Variants in DSCAM observed in about 807,000 individuals in gnomAD.
DSCAM encodes the protein DS cell adhesion molecule, also known as cell adhesion molecule DSCAM.
A neutral mutation model predicts 217.7 loss-of-function variants in DSCAM; 47 were observed. The observed-to-expected ratio is 0.22, with a 90% CI of 0.17 to 0.28. The LOEUF (loss-of-function observed/expected upper bound fraction) is 0.28, where lower values mean the gene tolerates loss of function less well. DSCAM is among the 10% of genes least tolerant of loss of function. The pLI, the probability that DSCAM is intolerant of heterozygous loss-of-function variation, is 1.00. For synonymous variants in DSCAM, 1,056 were observed against 1,015.3 expected (o/e 1.04, Z -0.76); for missense variants, 2,080 against 2,618.3 (o/e 0.79, Z 4.49).
intron 3 of DSCAM, among the ~76,000 whole-genome samples, chr21:40,594,958 G>A (rs1016090613): frequency 6.6e-6 from 1 of 152,182 alleles, no homozygotes; most frequent in Non-Finnish European, 1.5e-5. Flanking sequence ...ATTGGGTGAG[G>A]TGAGCAACCA....
rs1489114132 is a variant in DSCAM, at chr21:40,630,090, G to A, written c.508+62720C>T. On this transcript the variant is annotated intron_variant, in intron 3 of 32. Transcript: ENST00000400454. ...ATGGAGCCCAACAGGAAGAGGTGTG[G>A]TGGCCAGGAAAGCAGAAGTGAAAAG... Among the ~76,000 whole-genome samples, 6 of 152,122 alleles carry A rather than the reference G, an allele frequency of 3.9e-5. 1 individual carries two copies. The South Asian group carries it at 6.2e-4, about 16-fold the overall frequency.
intron 1 of DSCAM, among the ~76,000 whole-genome samples, chr21:40,773,790 G>A (rs145510773): frequency 1.3e-5 from 2 of 152,220 alleles, no homozygotes; most frequent in African/African-American, 4.8e-5. Flanking sequence ...TAGGCTGCCT[G>A]CCCTTTAAAC....
chr21:40,655,827 G>A (rs2090068845), intron 3 of DSCAM, among the ~76,000 whole-genome samples: 1 of 152,114 alleles, frequency 6.6e-6, no homozygotes, highest in African/African-American at 2.4e-5. Flanking sequence ...GCCAAGGTGA[G>A]GGGATCGCTT....
At chr21:40,810,014 G>T (rs2091824256) in intron 1 of DSCAM, among the ~76,000 whole-genome samples, 1 of 152,194 alleles carries the variant, frequency 6.6e-6, no homozygotes, top group Non-Finnish European at 1.5e-5. Context: ...GCTCCAGAAG[G>T]AACAGCCGTC....
chr21:40,083,222 A>G (rs1335564439), intron 24 of DSCAM, among the ~76,000 whole-genome samples: 1 of 152,232 alleles, frequency 6.6e-6, no homozygotes, highest in Non-Finnish European at 1.5e-5. Context: ...TGAGGTCAGA[A>G]GTTCGAGACC....
In DSCAM at chr21:40,721,846, G is replaced by A. The variant is rs138445444; in HGVS notation, c.44-13075C>T. On this transcript the variant is annotated intron_variant, in intron 1 of 32. Coordinates refer to ENST00000400454, the MANE Select transcript of DSCAM (RefSeq NM_001389.5). ...AACAAACACCAAACAGAAGCATGTA[G>A]AAAACCACAACATGACACATGATTA... Among the ~76,000 whole-genome samples the A allele has an allele frequency of 9.9e-5, 15 of 151,952 alleles. No homozygotes were observed. The East Asian group carries it at 2.9e-3, about 29-fold the overall frequency.
At chr21:40,701,901 T>C (rs913306148) in intron 2 of DSCAM, among the ~76,000 whole-genome samples, 6 of 152,166 alleles carry the variant, frequency 3.9e-5, no homozygotes, top group Admixed American at 6.5e-5. Context: ...TATATTGTGC[T>C]GTTGTTGGAT....
At chr21:40,659,426 TATC>T (rs1568968314) in intron 3 of DSCAM, among the ~76,000 whole-genome samples, 2 of 152,116 alleles carry the variant, frequency 1.3e-5, no homozygotes, top group Non-Finnish European at 2.9e-5. Context: ...TCTAGTTATC[TATC>T]ATCTCTCTCA....
chr21:40,378,794 C>T (rs2074991688), intron 3 of DSCAM, among the ~76,000 whole-genome samples: 1 of 151,446 alleles, frequency 6.6e-6, no homozygotes, highest in East Asian at 1.9e-4. Context: ...GGGGTTTCAC[C>T]GTGTTAGCCA....
At chr21:40,526,190 GC>G in intron 3 of DSCAM, among the ~76,000 whole-genome samples, 1 of 152,232 alleles carries the variant, frequency 6.6e-6, no homozygotes, top group Middle Eastern at 3.4e-3. Flanking sequence ...GCTGGAGCTG[GC>G]CCCCAGAGGC....
At chr21:40,825,264 T>TC (rs1439711148) in intron 1 of DSCAM, among the ~76,000 whole-genome samples, 6 of 141,934 alleles carry the variant, frequency 4.2e-5, no homozygotes, top group East Asian at 4.2e-4. Context: ...ACATTTTCTT[T>TC]CTTTCCTTCC....
In DSCAM at chr21:40,178,955, G is replaced by A. The variant is rs200413358; in HGVS notation, c.2919C>T (p.Asn973=). The A allele has an allele frequency of 1.7e-5, 27 of 1,613,968 alleles. No homozygotes were observed. Among genetic ancestry groups the A allele is most frequent in the African/African-American group, 5.3e-5 (4 of 75,016 alleles). The change falls in exon 15 of 33, where the codon AAC becomes AAT. Residue 973 remains asparagine, a synonymous_variant. Transcript: ENST00000400454. ...KNRIGKSEPS[N]ELTITADEAA... ...CCTCGTCCGCCGTGATGGTGAGCTC[G>A]TTGCTGGGCTCGCTCTTGCCAATCC...
chr21:40,686,378 CAT>C (rs1480296195), intron 3 of DSCAM, among the ~76,000 whole-genome samples: 3 of 151,662 alleles, frequency 2.0e-5, no homozygotes, highest in African/African-American at 7.3e-5. Flanking sequence ...ACTACACACA[CAT>C]ACAAACACAC....
At chr21:40,258,543 C>A (rs1042946738) in intron 11 of DSCAM, among the ~76,000 whole-genome samples, 1 of 152,232 alleles carries the variant, frequency 6.6e-6, no homozygotes, top group Non-Finnish European at 1.5e-5. Flanking sequence ...TAAACAGTAA[C>A]TTCTCTTAGA....
rs539775047 is a variant in DSCAM, at chr21:40,182,201, TGGAGAGGTAGCTG to T, written c.2780-3120_2780-3108del. Among the ~76,000 whole-genome samples the T allele has an allele frequency of 1.8e-4, 27 of 152,176 alleles. No individual in the cohort carries two copies. The South Asian group carries it at 5.4e-3, about 30-fold the overall frequency. On this transcript the variant is annotated intron_variant, in intron 14 of 32. Coordinates refer to ENST00000400454, the MANE Select transcript of DSCAM (RefSeq NM_001389.5). ...GTGAATTACATGAAAGGTTTAACAA[TGGAGAGGTAGCTG>T]GGAGAGGGAGCGGGCCCTTCATGTT...
At chr21:40,572,309 C>T (rs1330826073) in intron 3 of DSCAM, among the ~76,000 whole-genome samples, 1 of 151,952 alleles carries the variant, frequency 6.6e-6, no homozygotes, top group African/African-American at 2.4e-5. Flanking sequence ...ACTGTAATTT[C>T]TAGCAAACTC....
intron 28 of DSCAM, among the ~76,000 whole-genome samples, chr21:40,057,020 T>C (rs1338549721): frequency 6.6e-6 from 1 of 152,236 alleles, no homozygotes; most frequent in Non-Finnish European, 1.5e-5. Context: ...GTCACTCAAG[T>C]ACCCCCTTAG....
At chr21:40,704,615 G>A (rs2090693034) in intron 2 of DSCAM, among the ~76,000 whole-genome samples, 1 of 151,996 alleles carries the variant, frequency 6.6e-6, no homozygotes, top group Non-Finnish European at 1.5e-5. Context: ...CAGCTACTTG[G>A]GAGGCTGAGG....
intron 3 of DSCAM, among the ~76,000 whole-genome samples, chr21:40,477,628 C>T (rs981687018): frequency 1.3e-5 from 2 of 152,112 alleles, no homozygotes; most frequent in African/African-American, 4.8e-5. Context: ...AAAACCCATA[C>T]TACTTGAGGA....
Sources: gnomAD v4.1 joint callset for allele counts (sites outside exome capture counted in the v4.1 genomes callset) on GRCh38, gnomAD v4.1.1 for gene constraint, MANE v1.5 for transcripts, NCBI Gene and HGNC (gene_info 2026-07-23, HGNC 2026-07-21) for gene names.